IFT122: variants seen among roughly 807,000 people sequenced by gnomAD.
IFT122 encodes intraflagellar transport 122.
In IFT122, 118 loss-of-function variants were observed where a neutral mutation model predicts 161.6. That is an observed-to-expected ratio of 0.73 (90% CI 0.63 to 0.85). The LOEUF (loss-of-function observed/expected upper bound fraction) is 0.85. IFT122 is among the 40% of genes least tolerant of loss of function. IFT122 has a pLI of 0.00. For synonymous variants in IFT122, 550 were observed against 602.4 expected, an observed-to-expected ratio of 0.91 and a Z score of 1.27; for missense variants, 1,381 against 1,579.6, an observed-to-expected ratio of 0.87 and a Z score of 2.13.
intron 9 of IFT122, among the ~76,000 whole-genome samples, chr3:129,470,425 G>A (rs1362654556): frequency 1.3e-5 from 2 of 151,822 alleles, no homozygotes; most frequent in Non-Finnish European, 2.9e-5. Flanking sequence ...CACCACGCCT[G>A]GCTAATATTT....
chr3:129,520,433 G>A lies in IFT122; in HGVS notation c.*168G>A, dbSNP rs2084610871. 1 of 683,650 alleles carries A rather than the reference G, an allele frequency of 1.5e-6. No homozygotes were observed. The allele number at this position is 683,650 out of a possible 1,614,324, so 42.3% of individuals were successfully genotyped here. A position where few individuals can be genotyped will look rare whatever the true frequency, so the allele number is the denominator to read the frequency against. On this transcript the variant is annotated 3_prime_UTR_variant, in exon 30 of 30. Transcript: ENST00000348417. Reference sequence around the variant, plus strand: ...GGAATTCCTATTTATGGCATTTCATGCCTTGTAAATAGCACCAGGAGATGA... The same window carrying A: ...GGAATTCCTATTTATGGCATTTCATACCTTGTAAATAGCACCAGGAGATGA...
chr3:129,446,247 CAG>C (rs2073978501), intron 1 of IFT122, among the ~76,000 whole-genome samples: 1 of 150,354 alleles, frequency 6.7e-6, no homozygotes, highest in Admixed American at 6.6e-5. Flanking sequence ...TTTTCTGAGA[CAG>C]AGTCTCACTC....
Position 129,515,412 on chromosome 3 carries a change from G to A in IFT122, c.3154-76G>A, listed in dbSNP as rs548159485. On this transcript the variant is annotated intron_variant, in intron 25 of 29. Transcript: ENST00000348417. ...TTCCTCTTGGCAGCCAGGCCCCAGG[G>A]GCCTGAAGCCAGAGTCCAGGGGGAG... 5.2e-5 allele frequency: 63 copies of A among 1,203,482 alleles called. 1 individual carries two copies. The highest frequency in any genetic ancestry group is 5.7e-4 in the Middle Eastern group (2 of 3,528). 74.6% of individuals were successfully genotyped at this position (1,203,482 alleles called of 1,614,324 possible). A position where few individuals can be genotyped will look rare whatever the true frequency, so the allele number is the denominator to read the frequency against.
In IFT122 at chr3:129,517,039, G is replaced by GCA. The variant is rs747461940; in HGVS notation, c.3266-409_3266-408dup. Reference sequence around the variant, plus strand: ...CCCTGCACACACACAGATTGCTCCTGCACACACACACACACACACACAGAC... The same window carrying GCA: ...CCCTGCACACACACAGATTGCTCCTGCACACACACACACACACACACACAGAC... On this transcript the variant is annotated intron_variant, in intron 26 of 29. Coordinates refer to ENST00000348417, the MANE Select transcript of IFT122 (RefSeq NM_052989.3). Among the ~76,000 whole-genome samples, 432 of 76,252 alleles carry GCA rather than the reference G, an allele frequency of 5.7e-3. 7 individuals are homozygous for GCA. The highest frequency in any genetic ancestry group is 6.5e-3 in the African/African-American group (125 of 19,346). The allele number at this position is 76,252 out of a possible 152,430, so 50.0% of individuals were successfully genotyped here.
At chr3:129,516,816 G>GCA (rs1210937579) in intron 26 of IFT122, among the ~76,000 whole-genome samples, 1 of 84,398 alleles carries the variant, frequency 1.2e-5, no homozygotes. Context: ...GACTGCCCCT[G>GCA]CACACACACA....
At chr3:129,485,522 C>T (rs1254508952) in intron 15 of IFT122, among the ~76,000 whole-genome samples, 2 of 152,208 alleles carry the variant, frequency 1.3e-5, no homozygotes, top group South Asian at 2.1e-4. Flanking sequence ...ACGAGGGGCA[C>T]GAACAGCTTC....
chr3:129,450,450 G>A (rs140152218), intron 2 of IFT122, among the ~76,000 whole-genome samples: 1,998 of 152,190 alleles, frequency 0.013, 30 homozygotes, highest in South Asian at 0.03. Flanking sequence ...CCTTATGTTT[G>A]ACCAAAAAAC....
rs2077989312 is a variant in IFT122, at chr3:129,476,712, GCA to G, written c.1061_1062del (p.Thr354SerfsTer14). The G allele has an allele frequency of 6.2e-7, 1 of 1,614,078 alleles. No individual in the cohort carries two copies. The highest frequency in any genetic ancestry group is 1.3e-5 in the African/African-American group (1 of 74,924). Reference sequence around the variant, plus strand: ...ATTTCCTTCTACCAGCTTATTTTCAGCACAGTCCATGGGCTTTACAAGGACCG... The same window carrying G: ...ATTTCCTTCTACCAGCTTATTTTCAGCAGTCCATGGGCTTTACAAGGACCG... On this transcript the variant is annotated frameshift_variant, in exon 11 of 30. Transcript: ENST00000348417. LOFTEE classifies it high-confidence loss of function.
chr3:129,456,130 A>G (rs1362813857), intron 3 of IFT122: 1 of 582,222 alleles, frequency 1.7e-6, no homozygotes, highest in Non-Finnish European at 2.9e-6. Context: ...AAAGCTCTTC[A>G]GTAGCTTGTT....
At chr3:129,459,629 CT>C (rs2075965684) in intron 4 of IFT122, among the ~76,000 whole-genome samples, 1 of 146,882 alleles carries the variant, frequency 6.8e-6, no homozygotes, top group African/African-American at 2.5e-5. Context: ...TCCTTCCTTC[CT>C]TCCTTCCCTC....
chr3:129,517,961 C>G (rs535719121), intron 27 of IFT122, among the ~76,000 whole-genome samples: 1 of 152,230 alleles, frequency 6.6e-6, no homozygotes, highest in African/African-American at 2.4e-5. Context: ...ACTCAAGTCA[C>G]TTTCGCATGC....
Position 129,463,639 on chromosome 3 carries a change from C to G in IFT122, c.416+13C>G, listed in dbSNP as rs887422454. Reference sequence around the variant, plus strand: ...TCATCTGCTGCAGGTAAGTGCAGCTCTGACGATAAGATTTATGTTCCTTCA... The same window carrying G: ...TCATCTGCTGCAGGTAAGTGCAGCTGTGACGATAAGATTTATGTTCCTTCA... On this transcript the variant is annotated intron_variant, in intron 6 of 29. Coordinates refer to ENST00000348417, the MANE Select transcript of IFT122 (RefSeq NM_052989.3). 1 of 1,600,280 alleles carries G rather than the reference C, an allele frequency of 6.2e-7. No individual in the cohort carries two copies. Among genetic ancestry groups the G allele is most frequent in the South Asian group, 1.1e-5 (1 of 90,786 alleles).
intron 23 of IFT122, among the ~76,000 whole-genome samples, chr3:129,509,502 C>T (rs2082554673): frequency 6.6e-6 from 1 of 152,174 alleles, no homozygotes; most frequent in East Asian, 1.9e-4. Context: ...GTCGATGTTA[C>T]GAGTTGTCTC....
At chr3:129,507,874 A>G (rs1469066826) in intron 23 of IFT122, 112 bp downstream of exon 23, 1 of 827,956 alleles carries the variant, frequency 1.2e-6, no homozygotes, top group Non-Finnish European at 2.1e-6. Flanking sequence ...GTCACAGTGA[A>G]CTGCTGAGGA....
At chr3:129,440,450 G>T in intron 1 of IFT122, 79 bp downstream of exon 1, 2 of 1,501,164 alleles carry the variant, frequency 1.3e-6, no homozygotes, top group Non-Finnish European at 1.8e-6. Context: ...GCGTGTTTGA[G>T]GGGGGCAGCG....
At position 129,488,356 on chromosome 3, in the gene IFT122, A is replaced by G; in HGVS notation, c.1951A>G (p.Met651Val). Residue 651 changes from methionine to valine, a missense_variant, in exon 16 of 30, where the codon ATG (methionine) becomes GTG (valine). Transcript: ENST00000348417. ...VTDTDWRELA[M>V]EALEGLDFET... is the part of the protein sequence containing the mutation. The stretch of plus-strand genomic sequence containing the variant: ...AGACACTGATTGGCGTGAACTGGCC[A>G]TGGAAGCGCTAGAAGGTTTAGATTT... 6.2e-7 allele frequency: 1 copy of G among 1,614,186 alleles called. No homozygotes were observed.
chr3:129,520,083 C>T, intron 29 of IFT122, 93 bp from the exon 30 acceptor site: 9 of 1,037,116 alleles, frequency 8.7e-6, no homozygotes, highest in Non-Finnish European at 1.2e-5. Context: ...ACTGCCAAGC[C>T]CCCTCCCCTT....
intron 16 of IFT122, among the ~76,000 whole-genome samples, chr3:129,490,226 T>C (rs1012260674): frequency 5.9e-5 from 9 of 152,184 alleles, no homozygotes; most frequent in Non-Finnish European, 2.9e-5. Flanking sequence ...ACATGCTGTT[T>C]TGAAAAAGCC....
At chr3:129,512,596 G>A in intron 24 of IFT122, 184 bp downstream of exon 24, 1 of 634,030 alleles carries the variant, frequency 1.6e-6, no homozygotes, top group East Asian at 2.8e-5. Flanking sequence ...CAGGGGCCCA[G>A]GCCAAGAGAA....
Sources: gnomAD v4.1 joint callset for allele counts (sites outside exome capture counted in the v4.1 genomes callset) on GRCh38, gnomAD v4.1.1 for gene constraint, MANE v1.5 for transcripts, NCBI Gene and HGNC (gene_info 2026-07-23, HGNC 2026-07-21) for gene names.